Variants in FOXN3 observed in about 807,000 individuals in gnomAD.
FOXN3 encodes forkhead box protein N3.
In FOXN3, 7 loss-of-function variants were observed where a neutral mutation model predicts 38.4. That is an observed-to-expected ratio of 0.18 (90% CI 0.10 to 0.34). The LOEUF (loss-of-function observed/expected upper bound fraction) is 0.34, where lower values mean the gene tolerates loss of function less well. Ranked by LOEUF, FOXN3 falls within the 10% of genes least tolerant of loss-of-function variation. FOXN3 has a pLI of 1.00. For synonymous variants in FOXN3, 230 were observed against 242.2 expected, an observed-to-expected ratio of 0.95 and a Z score of 0.47; for missense variants, 456 against 613.4, an observed-to-expected ratio of 0.74 and a Z score of 2.71.
chr14:89,466,568 C>G (rs577278551), intron 1 of FOXN3, among the ~76,000 whole-genome samples: 1 of 152,292 alleles, frequency 6.6e-6, no homozygotes, highest in Admixed American at 6.5e-5. Flanking sequence ...GAATCAAGAC[C>G]TTGCCCACCA....
chr14:89,193,245 C>T (rs922484738), intron 4 of FOXN3, among the ~76,000 whole-genome samples: 1 of 148,918 alleles, frequency 6.7e-6, no homozygotes. Flanking sequence ...GGGCCCAGAA[C>T]AAGAAGAAAC....
intron 1 of FOXN3, among the ~76,000 whole-genome samples, chr14:89,451,359 T>C (rs1009195989): frequency 2.0e-5 from 3 of 152,180 alleles, no homozygotes; most frequent in Admixed American, 6.5e-5. Context: ...ATAACCTGCC[T>C]GATTGTCAGG....
intron 4 of FOXN3, among the ~76,000 whole-genome samples, chr14:89,221,152 AC>A (rs1377943784): frequency 6.6e-6 from 1 of 152,170 alleles, no homozygotes; most frequent in Non-Finnish European, 1.5e-5. Flanking sequence ...GAGAATTACC[AC>A]TAAATGTAGC....
rs34382325 is a variant in FOXN3, at chr14:89,585,757, GAAAAAAA to G, written c.-15+33264_-15+33270del. 5.1e-5 allele frequency among the ~76,000 whole-genome samples: 7 copies of G among 136,858 alleles called. 1 individual carries two copies. The allele number at this position is 136,858 out of a possible 152,430, so 89.8% of individuals were successfully genotyped here. On this transcript the variant is annotated intron_variant, in intron 1 of 6. Transcript: ENST00000345097. ...CCACTCCCACTGCTTCACTTGACTAGAAAAAAAAAAAAAAAGAAAGGAAGGAAGAAAG... is the reference window on the plus strand; with the variant it reads ...CCACTCCCACTGCTTCACTTGACTAGAAAAAAAAGAAAGGAAGGAAGAAAG...
intron 1 of FOXN3, among the ~76,000 whole-genome samples, chr14:89,479,559 AG>A (rs1893281766): frequency 6.6e-6 from 1 of 152,010 alleles, no homozygotes; most frequent in South Asian, 2.1e-4. Context: ...CCCTTTCTGC[AG>A]ATGTCTTTCT....
At chr14:89,533,536 G>A (rs984877692) in intron 1 of FOXN3, among the ~76,000 whole-genome samples, 4 of 151,970 alleles carry the variant, frequency 2.6e-5, no homozygotes, top group African/African-American at 9.7e-5. Flanking sequence ...GGTGGCGGGG[G>A]CCTGTAGCCC....
intron 4 of FOXN3, among the ~76,000 whole-genome samples, chr14:89,251,643 A>G (rs1885459966): frequency 6.6e-6 from 1 of 152,248 alleles, no homozygotes. Flanking sequence ...CAAGTACTTA[A>G]ATTTAAAATG....
intron 1 of FOXN3, among the ~76,000 whole-genome samples, chr14:89,453,932 C>T (rs1366079574): frequency 6.6e-6 from 1 of 152,070 alleles, no homozygotes; most frequent in African/African-American, 2.4e-5. Flanking sequence ...GGAGGAGGGG[C>T]TTCTGGGAGA....
At chr14:89,432,241 C>G (rs924607733) in intron 1 of FOXN3, among the ~76,000 whole-genome samples, 2 of 152,158 alleles carry the variant, frequency 1.3e-5, no homozygotes, top group Non-Finnish European at 2.9e-5. Context: ...CAGGCAGACT[C>G]CACCTCTCCA....
chr14:89,284,409 T>A (rs552798740), intron 3 of FOXN3: 2 of 454,898 alleles, frequency 4.4e-6, no homozygotes, highest in African/African-American at 4.0e-5. Context: ...CAAGAAGGAC[T>A]AGGGCTTGCC....
chr14:89,490,788 C>T (rs1356401967), intron 1 of FOXN3, among the ~76,000 whole-genome samples: 6 of 152,212 alleles, frequency 3.9e-5, no homozygotes, highest in Non-Finnish European at 2.9e-5. Flanking sequence ...ATTCCTTTTG[C>T]TCAAAGAACA....
At chr14:89,343,063 T>C (rs532615195) in intron 3 of FOXN3, among the ~76,000 whole-genome samples, 144 of 152,200 alleles carry the variant, frequency 9.5e-4, no homozygotes, top group Non-Finnish European at 1.7e-3. Flanking sequence ...ACTGATTTCA[T>C]TGTGGCTTTG....
At chr14:89,455,873 C>G (rs1052594505) in intron 1 of FOXN3, among the ~76,000 whole-genome samples, 2 of 152,058 alleles carry the variant, frequency 1.3e-5, no homozygotes, top group African/African-American at 4.8e-5. Flanking sequence ...TTAAAGGATC[C>G]GAATCTCTAC....
chr14:89,172,453 C>G (rs995926758), intron 5 of FOXN3, among the ~76,000 whole-genome samples: 2 of 152,168 alleles, frequency 1.3e-5, no homozygotes, highest in Non-Finnish European at 2.9e-5. Flanking sequence ...AGTCAGGAAC[C>G]ATAATAGGGT....
chr14:89,342,726 A>G (rs1461834670), intron 3 of FOXN3, among the ~76,000 whole-genome samples: 1 of 152,208 alleles, frequency 6.6e-6, no homozygotes, highest in African/African-American at 2.4e-5. Flanking sequence ...CTACCTGTTT[A>G]GCACCATGAA....
intron 3 of FOXN3, among the ~76,000 whole-genome samples, chr14:89,334,991 T>C (rs2139991641): frequency 6.6e-6 from 1 of 151,948 alleles, no homozygotes. Context: ...GGTCTTGAAC[T>C]CCTGACCCCA....
intron 1 of FOXN3, among the ~76,000 whole-genome samples, chr14:89,567,422 T>C (rs542608759): frequency 7.1e-6 from 1 of 140,716 alleles, no homozygotes; most frequent in East Asian, 2.1e-4. Context: ...GGGAAGACTG[T>C]ACTAGGTACA....
At chr14:89,264,610 G>A (rs1885913928) in intron 4 of FOXN3, among the ~76,000 whole-genome samples, 2 of 152,124 alleles carry the variant, frequency 1.3e-5, no homozygotes, top group African/African-American at 2.4e-5. Context: ...ATACAGCCAA[G>A]GTGATCAGAT....
intron 1 of FOXN3, among the ~76,000 whole-genome samples, chr14:89,436,218 A>T (rs1047880629): frequency 2.0e-5 from 3 of 151,500 alleles, no homozygotes; most frequent in African/African-American, 7.3e-5. Context: ...TTATAATCTA[A>T]ACAGAGCTAT....
Sources: gnomAD v4.1 joint callset for allele counts (sites outside exome capture counted in the v4.1 genomes callset) on GRCh38, gnomAD v4.1.1 for gene constraint, MANE v1.5 for transcripts, NCBI Gene and HGNC (gene_info 2026-07-23, HGNC 2026-07-21) for gene names.